The following TMC6 variants were observed in gnomAD, a reference collection of about 807,000 sequenced individuals.
The protein encoded by TMC6 is transmembrane channel-like protein 6.
A neutral mutation model predicts 95.4 loss-of-function variants in TMC6; 71 were observed. The observed-to-expected ratio is 0.74, with a 90% CI of 0.61 to 0.91. The LOEUF (loss-of-function observed/expected upper bound fraction) is 0.91. Among genes scored for constraint, TMC6 ranks in the 40% least tolerant of loss-of-function variants. The pLI, the probability that TMC6 is intolerant of heterozygous loss-of-function variation, is 0.00. For synonymous variants in TMC6, 514 were observed against 483.1 expected, an observed-to-expected ratio of 1.06 and a Z score of -0.84; for missense variants, 1,074 against 1,079.1, an observed-to-expected ratio of 1.00 and a Z score of 0.07.
intron 18 of TMC6, among the ~76,000 whole-genome samples, chr17:78,116,715 T>C (rs1026366415): frequency 1.3e-5 from 2 of 152,018 alleles, no homozygotes; most frequent in African/African-American, 4.8e-5. Context: ...ACTGCATCTG[T>C]ACGAAAAACA....
In TMC6 at chr17:78,112,693, GTGCAGGTGTAAGCCCCTCC is replaced by G. The variant is rs2073856208; in HGVS notation, c.*436_*454del. The G allele has an allele frequency of 1.3e-5, 3 of 225,344 alleles. No individual in the cohort carries two copies. In the South Asian group the frequency reaches 1.8e-4, roughly 14 times the overall value. 14.0% of individuals were successfully genotyped at this position (225,344 alleles called of 1,614,324 possible). ...CAATCCGTGCCTGCTCGGCTCACTTGTGCAGGTGTAAGCCCCTCCTGGGCGCGAGTTCAGGCTGGTCAAA... is the reference window on the plus strand; with the variant it reads ...CAATCCGTGCCTGCTCGGCTCACTTGTGGGCGCGAGTTCAGGCTGGTCAAA... On this transcript the variant is annotated 3_prime_UTR_variant, in exon 20 of 20. Coordinates refer to ENST00000590602, the MANE Select transcript of TMC6 (RefSeq NM_001127198.5).
At chr17:78,119,092 T>G (rs2074278447) in intron 14 of TMC6, 46 bp from the exon 15 acceptor site, 2 of 1,543,836 alleles carry the variant, frequency 1.3e-6, no homozygotes, top group Non-Finnish European at 1.8e-6. Context: ...TGCCCTCCCC[T>G]CCCCGAGATC....
chr17:78,122,546 C>T lies in TMC6; in HGVS notation c.1227+59G>A. The T allele has an allele frequency of 1.9e-6, 3 of 1,598,116 alleles. No homozygotes were observed. The highest frequency in any genetic ancestry group is 2.5e-6 in the Non-Finnish European group (3 of 1,178,814). On this transcript the variant is annotated intron_variant, in intron 10 of 19. Coordinates refer to ENST00000590602, the MANE Select transcript of TMC6 (RefSeq NM_001127198.5). This position sits in a 1 kb window ranked among gnomAD's most constrained non-coding sequence, Gnocchi z 4.9. ...TTCTGGTCACATGGTCCTAAGTGGA[C>T]CCAGGGCCAGGCCTGCAGGGAGCTG...
Position 78,117,649 on chromosome 17 carries a change from G to A in TMC6, c.2022-5C>T, listed in dbSNP as rs540761329. 9 of 1,565,246 alleles carry A rather than the reference G, an allele frequency of 5.7e-6. No homozygotes were observed. The highest frequency in any genetic ancestry group is 6.9e-6 in the Non-Finnish European group (8 of 1,155,706). ...CAGGTGCTCGAGGGCTTCACCCTGGGGAAGATGCCGACCAGGAACCCTCAC... is the reference window on the plus strand; with the variant it reads ...CAGGTGCTCGAGGGCTTCACCCTGGAGAAGATGCCGACCAGGAACCCTCAC... On this transcript the variant is annotated splice_polypyrimidine_tract_variant and splice_region_variant and intron_variant, in intron 16 of 19. Transcript: ENST00000590602.
At chr17:78,125,014 G>A in intron 6 of TMC6, 29 bp from the exon 7 acceptor site, 1 of 1,558,706 alleles carries the variant, frequency 6.4e-7, no homozygotes, top group South Asian at 1.2e-5. Flanking sequence ...ATAGGTGCCT[G>A]GACCAATGAG....
chr17:78,119,150 G>T, intron 14 of TMC6, 104 bp from the exon 15 acceptor site: 1 of 1,488,890 alleles, frequency 6.7e-7, no homozygotes, highest in Non-Finnish European at 9.3e-7. Flanking sequence ...GGCCAAAACT[G>T]AGTCCCCGGG....
rs372201700 is a variant in TMC6, at chr17:78,119,126, G to A, written c.1812-80C>T. On this transcript the variant is annotated intron_variant, in intron 14 of 19. Transcript: ENST00000590602. ...TCAGGCTGGTTCCAGACCACGGGCA[G>A]GGCATGTGACAGTGGCCAAAACTGA... is the stretch of plus-strand genomic sequence containing the variant. The A allele has an allele frequency of 1.2e-3, 1,841 of 1,516,020 alleles. 28 individuals carry two copies. The South Asian group carries it at 0.02, about 17-fold the overall frequency. 93.9% of individuals were successfully genotyped at this position (1,516,020 alleles called of 1,614,324 possible). A position where few individuals can be genotyped will look rare whatever the true frequency, so the allele number is the denominator to read the frequency against.
At position 78,109,199 on chromosome 17, in the gene TMC6, G is replaced by C. The variant is rs1057066338; in HGVS notation, c.*3949C>G. ...CACAGTGCCCAGCAGCTAGCAGTGT[G>C]GCGTGCCAAGAAGGCTGTTCCAATG... On this transcript the variant is annotated 3_prime_UTR_variant, in exon 20 of 20. Transcript: ENST00000590602. The C allele has an allele frequency of 1.8e-5, 6 of 341,152 alleles. No individual in the cohort carries two copies. Among genetic ancestry groups the C allele is most frequent in the African/African-American group, 1.3e-4 (6 of 46,460 alleles). 21.1% of individuals were successfully genotyped at this position (341,152 alleles called of 1,614,324 possible). A position where few individuals can be genotyped will look rare whatever the true frequency, so the allele number is the denominator to read the frequency against.
chr17:78,114,055 C>A, intron 18 of TMC6: 1 of 304,084 alleles, frequency 3.3e-6, no homozygotes, highest in Non-Finnish European at 6.4e-6. Flanking sequence ...GCTTAAAACA[C>A]CACCGGTTTC....
rs903624661 is a variant in TMC6, at chr17:78,128,152, A to T, written c.-75+460T>A. 5.3e-5 allele frequency among the ~76,000 whole-genome samples: 8 copies of T among 152,138 alleles called. No individual in the cohort carries two copies. Among genetic ancestry groups the T allele is most frequent in the Admixed American group, 1.3e-4 (2 of 15,280 alleles). On this transcript the variant is annotated intron_variant, in intron 1 of 19. Coordinates refer to ENST00000590602, the MANE Select transcript of TMC6 (RefSeq NM_001127198.5). The surrounding 1 kb of genome is among the most constrained non-coding windows in gnomAD (Gnocchi z 4.0). ...CACCATTCCTGAGCTAGGTGGGGAGAGGCTGGGTGGCGCCCGTTTCCAGGA... is the reference window on the plus strand; with the variant it reads ...CACCATTCCTGAGCTAGGTGGGGAGTGGCTGGGTGGCGCCCGTTTCCAGGA...
chr17:78,125,019 A>G, intron 6 of TMC6, 34 bp from the exon 7 acceptor site: 5 of 1,556,786 alleles, frequency 3.2e-6, no homozygotes, highest in Non-Finnish European at 4.3e-6. Flanking sequence ...TGCCTGGACC[A>G]ATGAGGGGCC....
At chr17:78,113,767 G>C (rs1428290180) in intron 18 of TMC6, 143 bp from the exon 19 acceptor site, 3 of 842,568 alleles carry the variant, frequency 3.6e-6, no homozygotes, top group Non-Finnish European at 5.9e-6. Context: ...AAAGGTGAAA[G>C]GGCCACCAAA....
rs898925552 is a variant in TMC6, at chr17:78,121,370, C to T, written c.1383+186G>A. 2.0e-5 allele frequency among the ~76,000 whole-genome samples: 3 copies of T among 152,154 alleles called. No homozygotes were observed. The highest frequency in any genetic ancestry group is 2.9e-5 in the Non-Finnish European group (2 of 68,028). ...GAAACCAGAAACCAAAAAATAAAAC[C>T]GTGAGACAGGACAAGGGGCTGAGAA... On this transcript the variant is annotated intron_variant, in intron 11 of 19. Transcript: ENST00000590602. This position sits in a 1 kb window ranked among gnomAD's most constrained non-coding sequence, Gnocchi z 5.6.
rs1183617068 is a variant in TMC6 at position 78,112,741 on chromosome 17, A to C, written c.*407T>G. 1 of 280,630 alleles carries C rather than the reference A, an allele frequency of 3.6e-6. No individual in the cohort carries two copies. The highest frequency in any genetic ancestry group is 4.9e-5 in the Admixed American group (1 of 20,336). 17.4% of individuals were successfully genotyped at this position (280,630 alleles called of 1,614,324 possible). A position where few individuals can be genotyped will look rare whatever the true frequency, so the allele number is the denominator to read the frequency against. ...GCGCGAGTTCAGGCTGGTCAAAGGC[A>C]GCAAGCGAATCAAGCCCTGGCGCGG... On this transcript the variant is annotated 3_prime_UTR_variant, in exon 20 of 20. Coordinates refer to ENST00000590602, the MANE Select transcript of TMC6 (RefSeq NM_001127198.5).
rs774625152 is a variant in TMC6, at chr17:78,124,695, C to T, written c.720G>A (p.Gln240=). Residue 240 remains glutamine (Q), a synonymous_variant, in exon 8 of 20, where the codon CAG becomes CAA. Coordinates refer to ENST00000590602, the MANE Select transcript of TMC6 (RefSeq NM_001127198.5). ...WRYALKRIGG[Q]FGSSVLSYFL... is the part of the protein sequence containing the mutation. ...AGTAGGAGAGCACGCTGGAGCCGAA[C>T]TGGCCCCCGATGCGCTTCAGGGCGT... 1 of 1,602,380 alleles carries T rather than the reference C, an allele frequency of 6.2e-7. No individual in the cohort carries two copies. The highest frequency in any genetic ancestry group is 8.5e-7 in the Non-Finnish European group (1 of 1,174,892).
rs1401502766 is a variant in TMC6, at chr17:78,122,774, G to A, written c.1083-25C>T. 5 of 1,605,038 alleles carry A rather than the reference G, an allele frequency of 3.1e-6. No individual in the cohort carries two copies. The highest frequency in any genetic ancestry group is 1.3e-5 in the African/African-American group (1 of 74,774). On this transcript the variant is annotated intron_variant, in intron 9 of 19. Coordinates refer to ENST00000590602, the MANE Select transcript of TMC6 (RefSeq NM_001127198.5). This position sits in a 1 kb window ranked among gnomAD's most constrained non-coding sequence, Gnocchi z 4.9. ...GCTGGGGAGAAGCAGACACAGACAT[G>A]GCAACCAACAAGCTGACGGGCAGAG...
intron 5 of TMC6, 75 bp downstream of exon 5, chr17:78,125,651 C>T (rs1204183030): frequency 6.5e-7 from 1 of 1,535,452 alleles, no homozygotes; most frequent in Non-Finnish European, 8.8e-7. Context: ...CAGCCACCGC[C>T]CAGGCCAGGC....
rs1230664432 is a variant in TMC6 at position 78,124,147 on chromosome 17, G to A, written c.924C>T (p.Gly308=). The change falls in exon 9 of 20, where the codon GGC becomes GGT. Residue 308 remains glycine (G), a synonymous_variant. Coordinates refer to ENST00000590602, the MANE Select transcript of TMC6 (RefSeq NM_001127198.5). ...GGTTCAGCGTGGCGTTACTGTAGTG[G>A]CCGTAGTACATGACGGTGTGGGTGA... The part of the protein sequence containing the change: ...GCFTHTVMYY[G]HYSNATLNQP... 6.2e-7 allele frequency: 1 copy of A among 1,612,370 alleles called. No individual in the cohort carries two copies. Among genetic ancestry groups the A allele is most frequent in the East Asian group, 2.2e-5 (1 of 44,902 alleles).
chr17:78,126,236 T>TCGGGGCCGGGGC (rs769078576), intron 4 of TMC6, 41 bp downstream of exon 4: 460 of 1,539,354 alleles, frequency 3.0e-4, no homozygotes, highest in Non-Finnish European at 3.9e-4. Context: ...TGGGGTCAAC[T>TCGGGGCCGGGGC]CGGGGCCGGG....
Sources: gnomAD v4.1 joint callset for allele counts (sites outside exome capture counted in the v4.1 genomes callset) on GRCh38, gnomAD v4.1.1 for gene constraint, Gnocchi (gnomAD v3.1) non-coding constraint, MANE v1.5 for transcripts, NCBI Gene and HGNC (gene_info 2026-07-23, HGNC 2026-07-21) for gene names.